The following SEMA6D variants were observed in gnomAD, a reference collection of about 807,000 sequenced individuals.
SEMA6D encodes semaphorin-6D.
SEMA6D carries 35 observed loss-of-function variants against 106.6 expected under a neutral mutation model. The observed-to-expected ratio is 0.33, with a 90% confidence interval of 0.25 to 0.44. SEMA6D has a LOEUF of 0.44. Among genes scored for constraint, SEMA6D ranks in the 20% least tolerant of loss-of-function variants. The pLI is 1.00. For missense variants in SEMA6D, 1,185 were observed against 1,345.9 expected (o/e 0.88, Z 1.87); for synonymous variants, 499 against 487.7 (o/e 1.02, Z -0.31).
chr15:47,746,152 C>G (rs373169907), intron 1 of SEMA6D, among the ~76,000 whole-genome samples: 3 of 152,180 alleles, frequency 2.0e-5, no homozygotes, highest in African/African-American at 7.2e-5. Context: ...AAATTCTTGG[C>G]TTTTAAAATT....
chr15:47,311,824 T>C (rs1216352342), intron 1 of SEMA6D, among the ~76,000 whole-genome samples: 1 of 152,194 alleles, frequency 6.6e-6, no homozygotes, highest in Non-Finnish European at 1.5e-5. Flanking sequence ...TGTGTCTACA[T>C]GAGGCAAACC....
At chr15:47,731,078 A>G (rs1041722279) in intron 1 of SEMA6D, 2 of 541,610 alleles carry the variant, frequency 3.7e-6, no homozygotes, top group Non-Finnish European at 3.3e-6. Context: ...ACACACAGAT[A>G]GTCCAACTTC....
intron 1 of SEMA6D, among the ~76,000 whole-genome samples, chr15:47,220,248 G>A (rs375376899): frequency 3.3e-5 from 5 of 152,202 alleles, no homozygotes; most frequent in African/African-American, 4.8e-5. Flanking sequence ...TTCTGCAAGC[G>A]ATAAACCGAA....
intron 3 of SEMA6D, among the ~76,000 whole-genome samples, chr15:47,564,676 G>A (rs761962931): frequency 3.9e-5 from 6 of 152,130 alleles, no homozygotes; most frequent in East Asian, 3.9e-4. Flanking sequence ...AGAAAAGGGC[G>A]GGATCCCTGG....
intron 2 of SEMA6D, among the ~76,000 whole-genome samples, chr15:47,434,109 A>T (rs768754874): frequency 3.9e-5 from 6 of 152,114 alleles, no homozygotes; most frequent in Non-Finnish European, 7.4e-5. Context: ...TAAGTAAGAG[A>T]TGTTGAGGCC....
At chr15:47,733,128 T>C (rs1472139796) in intron 1 of SEMA6D, among the ~76,000 whole-genome samples, 1 of 152,240 alleles carries the variant, frequency 6.6e-6, no homozygotes, top group Admixed American at 6.5e-5. Context: ...TAAAGTTTCG[T>C]AGTGTTTCTG....
intron 3 of SEMA6D, among the ~76,000 whole-genome samples, chr15:47,552,947 A>G (rs1215387357): frequency 7.6e-6 from 1 of 131,662 alleles, no homozygotes; most frequent in Non-Finnish European, 1.6e-5. Flanking sequence ...TCTGTCACCC[A>G]GGCTGGAGTG....
intron 2 of SEMA6D, among the ~76,000 whole-genome samples, chr15:47,441,517 A>T (rs1278222356): frequency 6.6e-6 from 1 of 152,098 alleles, no homozygotes; most frequent in East Asian, 1.9e-4. Flanking sequence ...CAATAGCTTG[A>T]TGTACCATTT....
At chr15:47,282,031 T>C (rs1461669799) in intron 1 of SEMA6D, among the ~76,000 whole-genome samples, 4 of 152,106 alleles carry the variant, frequency 2.6e-5, no homozygotes, top group African/African-American at 9.7e-5. Context: ...CTGCCTGGCA[T>C]GGAAGAGTAA....
intron 1 of SEMA6D, among the ~76,000 whole-genome samples, chr15:47,186,601 C>T (rs1169148893): frequency 1.3e-5 from 2 of 151,916 alleles, no homozygotes; most frequent in Non-Finnish European, 2.9e-5. Context: ...CGTTCGTGCC[C>T]ACTGAATGCA....
rs552842533 is a variant in SEMA6D, at chr15:47,369,925, GC to G, written c.-238-42467del. 2.8e-3 allele frequency among the ~76,000 whole-genome samples: 420 copies of G among 152,314 alleles called. 4 individuals are homozygous for G. Among genetic ancestry groups the G allele is most frequent in the Non-Finnish European group, 1.5e-3 (101 of 68,034 alleles). ...TACCAGCAACTGTTTTAAGCACATT[GC>G]ATTGGATTGACTCAGCTCTGTGAAA... On this transcript the variant is annotated intron_variant, in intron 1 of 19. Transcript: ENST00000558014.
chr15:47,289,720 A>G (rs1417756723), intron 1 of SEMA6D, among the ~76,000 whole-genome samples: 1 of 152,096 alleles, frequency 6.6e-6, no homozygotes, highest in Non-Finnish European at 1.5e-5. Context: ...TATTGTAGAG[A>G]GGCAGAAAGA....
chr15:47,383,205 A>G (rs565109455), intron 1 of SEMA6D, among the ~76,000 whole-genome samples: 3 of 152,328 alleles, frequency 2.0e-5, no homozygotes, highest in African/African-American at 7.2e-5. Flanking sequence ...AGGACATAGT[A>G]GATTGTGATT....
intron 1 of SEMA6D, among the ~76,000 whole-genome samples, chr15:47,757,570 A>G (rs906413513): frequency 6.6e-6 from 1 of 152,182 alleles, no homozygotes; most frequent in East Asian, 1.9e-4. Flanking sequence ...AACTAGAACC[A>G]AATCATTGCG....
At chr15:47,684,260 C>T (rs747781704) in intron 4 of SEMA6D, among the ~76,000 whole-genome samples, 8 of 151,886 alleles carry the variant, frequency 5.3e-5, no homozygotes, top group South Asian at 2.1e-4. Flanking sequence ...AAAAAATTAA[C>T]GACAATTATA....
At chr15:47,373,314 G>A (rs2039341394) in intron 1 of SEMA6D, among the ~76,000 whole-genome samples, 1 of 152,194 alleles carries the variant, frequency 6.6e-6, no homozygotes, top group Non-Finnish European at 1.5e-5. Context: ...GCCTTTGCGT[G>A]TTTCTCAATG....
intron 2 of SEMA6D, among the ~76,000 whole-genome samples, chr15:47,437,459 G>A (rs1371970995): frequency 6.6e-6 from 1 of 152,078 alleles, no homozygotes. Context: ...GTTCCTGCTG[G>A]ACTGAAAATA....
chr15:47,582,171 A>G (rs1458869709), intron 3 of SEMA6D, among the ~76,000 whole-genome samples: 2 of 152,166 alleles, frequency 1.3e-5, no homozygotes, highest in African/African-American at 2.4e-5. Flanking sequence ...AGTCTTGCTT[A>G]AGCAACTGCC....
chr15:47,278,740 G>A (rs531282963), intron 1 of SEMA6D, among the ~76,000 whole-genome samples: 59 of 150,976 alleles, frequency 3.9e-4, no homozygotes, highest in African/African-American at 1.4e-3. Context: ...GGTTTTTATG[G>A]TTTTAGGTCT....
Sources: allele counts gnomAD v4.1 joint callset (sites outside exome capture counted in the v4.1 genomes callset), GRCh38; gene constraint gnomAD v4.1.1; transcripts MANE v1.5; gene names NCBI Gene and HGNC (gene_info 2026-07-23, HGNC 2026-07-21).